Variants in DIAPH2 observed in about 807,000 individuals in gnomAD.
DIAPH2 encodes the protein diaphanous related formin 2.
A neutral mutation model predicts 92.7 loss-of-function variants in DIAPH2; 35 were observed. The ratio of observed to expected loss-of-function variants is 0.38; its 90% CI spans 0.29 to 0.50. The LOEUF (loss-of-function observed/expected upper bound fraction) is 0.50, where lower values mean the gene tolerates loss of function less well. DIAPH2 is among the 20% of genes least tolerant of loss of function. The pLI is 0.94. For synonymous variants in DIAPH2, 301 were observed against 280.4 expected (o/e 1.07, Z -0.73); for missense variants, 701 against 819.5 (o/e 0.86, Z 1.77).
At chrX:97,014,594 T>C (rs1404774902) in intron 17 of DIAPH2, among the ~76,000 whole-genome samples, 10 of 112,155 alleles carry the variant, frequency 8.9e-5, no homozygotes, top group Non-Finnish European at 1.3e-4. Flanking sequence ...CTCTGAGAAC[T>C]ATAGACATTT....
At chrX:96,869,887 A>G (rs764550327) in intron 4 of DIAPH2, among the ~76,000 whole-genome samples, 1 of 110,971 alleles carries the variant, frequency 9.0e-6, no homozygotes, top group South Asian at 3.9e-4. Context: ...CATTTTGCCA[A>G]TAAGGAACCT....
At chrX:96,873,108 G>GAT (rs1190110423) in intron 4 of DIAPH2, among the ~76,000 whole-genome samples, 3 of 111,160 alleles carry the variant, frequency 2.7e-5, no homozygotes, top group Non-Finnish European at 5.7e-5. Context: ...CTTTTGGATG[G>GAT]ATACAAGCCA....
intron 23 of DIAPH2, among the ~76,000 whole-genome samples, chrX:97,297,228 C>A (rs1489107031): frequency 9.3e-6 from 1 of 107,776 alleles, no homozygotes; most frequent in Non-Finnish European, 1.9e-5. Context: ...ATAAGAGAAA[C>A]CAGAACTGTA....
At chrX:97,247,120 T>G (rs1280496576) in intron 22 of DIAPH2, among the ~76,000 whole-genome samples, 1 of 111,626 alleles carries the variant, frequency 9.0e-6, no homozygotes, top group Non-Finnish European at 1.9e-5. Flanking sequence ...TGATAGTGTT[T>G]GAGGGCAGGC....
At chrX:97,049,173 T>C (rs1485122368) in intron 17 of DIAPH2, among the ~76,000 whole-genome samples, 2 of 110,701 alleles carry the variant, frequency 1.8e-5, no homozygotes, top group African/African-American at 6.5e-5. Context: ...TGAGAGGTAA[T>C]TTTGAGCCCA....
chrX:97,566,992 A>G lies in DIAPH2; in HGVS notation c.3242-32261A>G, dbSNP rs1430362754. ...TGTTGATTTGAATTTTCTCTCTGTA[A>G]CAGTGATTTAAATGCATACTAATTT... On this transcript the variant is annotated intron_variant, in intron 26 of 26. Transcript: ENST00000324765. 3.6e-5 allele frequency among the ~76,000 whole-genome samples: 4 copies of G among 111,858 alleles called. No individual in the cohort carries two copies. In the Admixed American group the frequency reaches 3.8e-4, roughly 11 times the overall value.
intron 16 of DIAPH2, among the ~76,000 whole-genome samples, chrX:96,964,625 G>A (rs2065883561): frequency 1.8e-5 from 2 of 111,188 alleles, no homozygotes; most frequent in African/African-American, 6.5e-5. Context: ...ATTATTACGA[G>A]GATTAAATTA....
At chrX:97,258,100 G>A (rs954004032) in intron 23 of DIAPH2, among the ~76,000 whole-genome samples, 1 of 111,488 alleles carries the variant, frequency 9.0e-6, no homozygotes, top group Non-Finnish European at 1.9e-5. Context: ...GTGAATGCTT[G>A]TAGAGTAAGC....
At chrX:97,127,611 T>C (rs2067101885) in intron 21 of DIAPH2, among the ~76,000 whole-genome samples, 1 of 112,662 alleles carries the variant, frequency 8.9e-6, no homozygotes, top group South Asian at 3.6e-4. Flanking sequence ...TATTGTTATT[T>C]TGTTAGAAGT....
At chrX:96,921,239 A>G (rs145543639) in intron 9 of DIAPH2, among the ~76,000 whole-genome samples, 3,581 of 110,821 alleles carry the variant, frequency 0.032, 162 homozygotes, top group African/African-American at 0.11. Context: ...TTTTTTTCCT[A>G]GCTTTTAAAG....
chrX:96,766,085 C>T (rs1169496112), intron 4 of DIAPH2, among the ~76,000 whole-genome samples: 1 of 109,747 alleles, frequency 9.1e-6, no homozygotes, highest in Non-Finnish European at 1.9e-5. Flanking sequence ...TGTTCTTTTT[C>T]CACAATGTAC....
At chrX:96,755,942 C>T (rs1226120535) in intron 3 of DIAPH2, among the ~76,000 whole-genome samples, 2 of 108,548 alleles carry the variant, frequency 1.8e-5, no homozygotes, top group Admixed American at 2.0e-4. Flanking sequence ...CAGCTCACTG[C>T]AACCTCTACC....
chrX:97,053,713 C>G (rs756577343), intron 17 of DIAPH2, among the ~76,000 whole-genome samples: 7 of 111,471 alleles, frequency 6.3e-5, no homozygotes, highest in Non-Finnish European at 1.1e-4. Context: ...CAATTCTTCC[C>G]TTCTCCATTC....
At chrX:96,924,558 C>T (rs967824520) in intron 9 of DIAPH2, among the ~76,000 whole-genome samples, 1 of 111,282 alleles carries the variant, frequency 9.0e-6, no homozygotes, top group Admixed American at 9.6e-5. Flanking sequence ...TATCAAAGCT[C>T]CCTCCTCCCT....
chrX:97,433,593 C>T (rs17003786), intron 26 of DIAPH2, among the ~76,000 whole-genome samples: 2,252 of 111,784 alleles, frequency 0.02, 68 homozygotes, highest in African/African-American at 0.07. Flanking sequence ...TGATAAATAA[C>T]GACTCTGGTT....
rs761942451 is a variant in DIAPH2 at position 96,817,742 on chromosome X, C to T, written c.447+59484C>T. Among the ~76,000 whole-genome samples the T allele has an allele frequency of 1.0e-4, 11 of 109,375 alleles. No individual in the cohort carries two copies. The South Asian group carries it at 2.8e-3, about 28-fold the overall frequency. The allele number at this position is 109,375 out of a possible 115,157, so 95.0% of individuals were successfully genotyped here. ...AGGGCGAGAGAACTCTCTGGGGTCC[C>T]TAATAGGGGCGCTAATTCTATTCAT... is the stretch of plus-strand genomic sequence containing the variant. On this transcript the variant is annotated intron_variant, in intron 4 of 26. Transcript: ENST00000324765.
rs191371067 is a variant in DIAPH2 at position 96,880,917 on chromosome X, A to T, written c.448-662A>T. On this transcript the variant is annotated intron_variant, in intron 4 of 26. Transcript: ENST00000324765. ...TAGAAACAACTCCATCTATATTGAA[A>T]GTTAAGTTAAAAACTAGTCACTATC... Among the ~76,000 whole-genome samples, 11 of 111,697 alleles carry T rather than the reference A, an allele frequency of 9.8e-5. No individual in the cohort carries two copies. The East Asian group carries it at 3.1e-3, about 31-fold the overall frequency.
chrX:96,760,632 G>A (rs1293556934), intron 4 of DIAPH2, among the ~76,000 whole-genome samples: 6 of 110,973 alleles, frequency 5.4e-5, no homozygotes, highest in Non-Finnish European at 1.1e-4. Flanking sequence ...TCTTGAGTAA[G>A]GACATAAAAG....
chrX:97,320,081 CAG>C, intron 23 of DIAPH2, among the ~76,000 whole-genome samples: 1 of 102,620 alleles, frequency 9.7e-6, no homozygotes. Flanking sequence ...GCCTGGGTGA[CAG>C]AGTGAGACTC....
Sources: allele counts gnomAD v4.1 joint callset (sites outside exome capture counted in the v4.1 genomes callset), GRCh38; gene constraint gnomAD v4.1.1; transcripts MANE v1.5; gene names NCBI Gene and HGNC (gene_info 2026-07-23, HGNC 2026-07-21).